TLK2: variants seen among roughly 807,000 people sequenced by gnomAD.
TLK2 encodes the protein serine/threonine-protein kinase tousled-like 2.
A neutral mutation model predicts 117.3 loss-of-function variants in TLK2; 6 were observed. The observed-to-expected ratio is 0.05, with a 90% CI of 0.03 to 0.10. The LOEUF is 0.10. Ranked by LOEUF, TLK2 falls within the 10% of genes least tolerant of loss-of-function variation. TLK2 has a pLI of 1.00. For missense variants in TLK2, 299 were observed against 901.2 expected, an observed-to-expected ratio of 0.33 and a Z score of 8.56; for synonymous variants, 257 against 316.7, an observed-to-expected ratio of 0.81 and a Z score of 2.00.
At chr17:62,533,995 A>G (rs886187567) in intron 6 of TLK2, among the ~76,000 whole-genome samples, 12 of 152,064 alleles carry the variant, frequency 7.9e-5, no homozygotes, top group Admixed American at 2.0e-4. Context: ...ATATATCTAT[A>G]TTATATAGAT....
chr17:62,497,036 C>A (rs1366098428), intron 2 of TLK2, among the ~76,000 whole-genome samples: 2 of 151,402 alleles, frequency 1.3e-5, no homozygotes, highest in African/African-American at 4.9e-5. Context: ...GGCAAGAGGA[C>A]CATTGAGCCT....
At position 62,553,754 on chromosome 17, in the gene TLK2, G is replaced by A. The variant is rs1326507334; in HGVS notation, c.719G>A (p.Arg240Lys). ...GAGGGAAGAATAGATGATTTATTAA[G>A]AGTAAGTATTAAAATGTAAGAGATT... ...KKEGRIDDLL[R>K]ANCDLRRQID... The change falls in exon 9 of 22, where the codon AGA becomes AAA. Residue 240 changes from arginine to lysine, a missense_variant and splice_region_variant. Physicochemically the swap from Arg to Lys is conservative, Grantham distance 26. Around this residue, in one of 4 missense-constraint regions of TLK2, gnomAD observed 94 missense variants for 282.6 expected, o/e 0.33. Transcript: ENST00000346027. The A allele has an allele frequency of 3.2e-6, 5 of 1,553,840 alleles. No individual in the cohort carries two copies. The highest frequency in any genetic ancestry group is 1.7e-5 in the Admixed American group (1 of 59,752).
intron 2 of TLK2, among the ~76,000 whole-genome samples, chr17:62,482,058 C>T (rs911358411): frequency 3.3e-5 from 5 of 151,956 alleles, no homozygotes; most frequent in African/African-American, 1.2e-4. Context: ...TGATGATTCT[C>T]CTGCCTCAGC....
chr17:62,519,443 G>A (rs1282065830), intron 2 of TLK2, among the ~76,000 whole-genome samples: 2 of 152,210 alleles, frequency 1.3e-5, no homozygotes, highest in African/African-American at 4.8e-5. Flanking sequence ...GATGAAGTAT[G>A]AGCCTTCCTG....
rs1197921896 is a variant in TLK2, at chr17:62,591,657, CTA to C, written c.1461-4927_1461-4926del. Among the ~76,000 whole-genome samples, 3 of 152,236 alleles carry C rather than the reference CTA, an allele frequency of 2.0e-5. No individual in the cohort carries two copies. In the East Asian group the frequency reaches 5.8e-4, roughly 29 times the overall value. On this transcript the variant is annotated intron_variant, in intron 16 of 21. Coordinates refer to ENST00000346027, the MANE Select transcript of TLK2 (RefSeq NM_006852.6). ...ATGGCCAAAAGTGGCAGCTTGGAAA[CTA>C]AGCCCAAATAGTTTCCATTGGGGAA...
chr17:62,487,682 G>A (rs1215481008), intron 2 of TLK2, among the ~76,000 whole-genome samples: 1 of 121,708 alleles, frequency 8.2e-6, no homozygotes, highest in African/African-American at 3.1e-5. Flanking sequence ...GGAGTGCAAT[G>A]GCATGATCTC....
At chr17:62,585,492 T>C (rs1441706169) in intron 15 of TLK2, 1 of 152,350 alleles carries the variant, frequency 6.6e-6, no homozygotes, top group African/African-American at 2.4e-5. Flanking sequence ...GAGCCAAGAT[T>C]GCACCGTTGC....
intron 7 of TLK2, among the ~76,000 whole-genome samples, chr17:62,545,490 A>T (rs1217514534): frequency 6.6e-6 from 1 of 151,978 alleles, no homozygotes; most frequent in Non-Finnish European, 1.5e-5. Context: ...GGTGGTGTGC[A>T]CCTGTAATCC....
At chr17:62,541,294 C>G (rs1012474387) in intron 7 of TLK2, among the ~76,000 whole-genome samples, 1 of 152,174 alleles carries the variant, frequency 6.6e-6, no homozygotes, top group South Asian at 2.1e-4. Flanking sequence ...TCCATCAGGT[C>G]AAGGACTTTG....
chr17:62,597,261 A>G (rs1213336144), intron 17 of TLK2: 1 of 152,262 alleles, frequency 6.6e-6, no homozygotes, highest in African/African-American at 2.4e-5. Flanking sequence ...ATCATATAGT[A>G]TGTGGACTTT....
Position 62,559,975 on chromosome 17 carries a change from T to A in TLK2, c.721-41T>A, listed in dbSNP as rs766675917. On this transcript the variant is annotated intron_variant, in intron 9 of 21. Coordinates refer to ENST00000346027, the MANE Select transcript of TLK2 (RefSeq NM_006852.6). ...CCTAGAAACTGCTTTTCCATTAATC[T>A]TCTTCCTTGGAGCTAATTAAAAATT... The A allele has an allele frequency of 3.5e-6, 5 of 1,422,174 alleles. No homozygotes were observed. In the South Asian group the frequency reaches 6.4e-5, roughly 18 times the overall value. 88.1% of individuals were successfully genotyped at this position (1,422,174 alleles called of 1,614,324 possible). A position where few individuals can be genotyped will look rare whatever the true frequency, so the allele number is the denominator to read the frequency against.
At chr17:62,523,092 T>A (rs2076149686) in intron 4 of TLK2, 42 bp from the exon 5 acceptor site, 1 of 1,556,102 alleles carries the variant, frequency 6.4e-7, no homozygotes, top group Non-Finnish European at 8.7e-7. Context: ...ATGGTTTATA[T>A]GTGTATTGGA....
At chr17:62,564,531 G>A (rs1396950424) in intron 10 of TLK2, among the ~76,000 whole-genome samples, 11 of 94,682 alleles carry the variant, frequency 1.2e-4, no homozygotes, top group Non-Finnish European at 9.8e-5. Flanking sequence ...GTGAGACTTC[G>A]TCTCAAAAAA....
chr17:62,540,400 A>ATTTTTTTTTTTTTTTT (rs534202077), intron 7 of TLK2, among the ~76,000 whole-genome samples: 235 of 19,950 alleles, frequency 0.012, 56 homozygotes, highest in East Asian at 0.053. Flanking sequence ...TATGTTCAGA[A>ATTTTTTTTTTTTTTTT]TTTTTTTTTT....
intron 7 of TLK2, 80 bp downstream of exon 7, chr17:62,536,417 TAGAG>T: frequency 1.4e-6 from 2 of 1,418,932 alleles, no homozygotes; most frequent in South Asian, 1.5e-5. Flanking sequence ...ATTATTTTGA[TAGAG>T]AGATAGGGAC....
intron 2 of TLK2, among the ~76,000 whole-genome samples, chr17:62,512,193 C>CCATCTTTA (rs1315206593): frequency 1.4e-5 from 2 of 146,568 alleles, no homozygotes; most frequent in Non-Finnish European, 3.0e-5. Context: ...TGCTCATTAG[C>CCATCTTTA]CATCTTTACA....
At chr17:62,561,775 A>C (rs182128174) in intron 10 of TLK2, among the ~76,000 whole-genome samples, 6 of 152,344 alleles carry the variant, frequency 3.9e-5, no homozygotes, top group Non-Finnish European at 2.9e-5. Context: ...TCTGAGAGTG[A>C]GAAAAAATAA....
rs150819824 is a variant in TLK2 at position 62,604,254 on chromosome 17, G to A, written c.1860-1876G>A. On this transcript the variant is annotated intron_variant, in intron 19 of 21. Transcript: ENST00000346027. ...ACTCCTGATATCAGGTGATCCACCCGCCTCGGCCTCCCAAAGTGCTGGGAA... is the reference window on the plus strand; with the variant it reads ...ACTCCTGATATCAGGTGATCCACCCACCTCGGCCTCCCAAAGTGCTGGGAA... 5.3e-5 allele frequency among the ~76,000 whole-genome samples: 8 copies of A among 152,064 alleles called. No individual in the cohort carries two copies. The South Asian group carries it at 1.7e-3, about 32-fold the overall frequency.
Position 62,540,029 on chromosome 17 carries a change from TCTC to T in TLK2, c.531+3711_531+3713del, listed in dbSNP as rs528918370. ...AACCCATTTCTCCTACAGCTGCCTT[TCTC>T]CTCCTCCTCCTCCTCCTCTTCCTCT... On this transcript the variant is annotated intron_variant, in intron 7 of 21. Coordinates refer to ENST00000346027, the MANE Select transcript of TLK2 (RefSeq NM_006852.6). 6.5e-3 allele frequency among the ~76,000 whole-genome samples: 978 copies of T among 151,016 alleles called. 5 individuals carry two copies. The highest frequency in any genetic ancestry group is 0.013 in the African/African-American group (516 of 41,156).
Sources: gnomAD v4.1 joint callset for allele counts (sites outside exome capture counted in the v4.1 genomes callset) on GRCh38, gnomAD v4.1.1 for gene constraint, gnomAD v4.1.1 regional missense constraint, MANE v1.5 for transcripts, NCBI Gene and HGNC (gene_info 2026-07-23, HGNC 2026-07-21) for gene names.